Variants in DNAH17 observed in about 807,000 individuals in gnomAD.
DNAH17 encodes the protein axonemal beta dynein heavy chain 17.
In DNAH17, 376 loss-of-function variants were observed where a neutral mutation model predicts 485.6. That is an observed-to-expected ratio of 0.77 (90% CI 0.71 to 0.84). The LOEUF (loss-of-function observed/expected upper bound fraction) is 0.84, where lower values mean the gene tolerates loss of function less well. DNAH17 is among the 40% of genes least tolerant of loss of function. The pLI, the probability that DNAH17 is intolerant of heterozygous loss-of-function variation, is 0.00. For synonymous variants in DNAH17, 3,031 were observed against 2,405.9 expected (o/e 1.26, Z -7.60); for missense variants, 6,370 against 5,839.3 (o/e 1.09, Z -2.96).
At chr17:78,542,446 C>G (rs2091622081) in intron 17 of DNAH17, among the ~76,000 whole-genome samples, 1 of 152,194 alleles carries the variant, frequency 6.6e-6, no homozygotes, top group South Asian at 2.1e-4. Context: ...CTACGCCCAG[C>G]CGTTATTTGA....
chr17:78,537,397 C>A lies in DNAH17; in HGVS notation c.2761G>T (p.Asp921Tyr), dbSNP rs554869268. 8.7e-6 allele frequency: 14 copies of A among 1,613,184 alleles called. No homozygotes were observed. In the East Asian group the frequency reaches 2.9e-4, roughly 33 times the overall value. Residue 921 changes from aspartate to tyrosine, a missense_variant, in exon 19 of 81, where the codon GAT becomes TAT. Coordinates refer to ENST00000389840, the MANE Select transcript of DNAH17 (RefSeq NM_173628.4). ...TCGATCAGTGCCAGGAAGCCGCGAT[C>A]TGAGCCCACCTCCAGGGTCGGGTTG... is the stretch of plus-strand genomic sequence containing the variant. ...TFNPTLEVGS[D>Y]RGFLALIEGL...
At chr17:78,542,705 T>C (rs1266278420) in intron 17 of DNAH17, among the ~76,000 whole-genome samples, 1 of 152,204 alleles carries the variant, frequency 6.6e-6, no homozygotes, top group Non-Finnish European at 1.5e-5. Context: ...TAGAGTCATA[T>C]GCTGTTGGGA....
chr17:78,432,504 G>A (rs1389672802), intron 75 of DNAH17, among the ~76,000 whole-genome samples: 1 of 152,230 alleles, frequency 6.6e-6, no homozygotes, highest in Non-Finnish European at 1.5e-5. Flanking sequence ...CTCCAGGGCT[G>A]GTGTGCCTCC....
intron 26 of DNAH17, among the ~76,000 whole-genome samples, chr17:78,513,948 T>C (rs1265378658): frequency 1.3e-5 from 2 of 152,148 alleles, no homozygotes; most frequent in Non-Finnish European, 2.9e-5. Context: ...CTTAAAGTCA[T>C]TTTGTTCAGT....
chr17:78,542,379 G>T (rs9908939), intron 17 of DNAH17, among the ~76,000 whole-genome samples: 22 of 152,026 alleles, frequency 1.4e-4, no homozygotes, highest in African/African-American at 5.1e-4. Context: ...AACTCCTGAC[G>T]TCAAGTGATC....
chr17:78,511,793 C>A (rs2090642071), intron 26 of DNAH17, among the ~76,000 whole-genome samples: 1 of 152,242 alleles, frequency 6.6e-6, no homozygotes, highest in African/African-American at 2.4e-5. Context: ...CTGTGCCCAG[C>A]TCCTTTCATG....
At chr17:78,466,621 C>T in intron 56 of DNAH17, 34 bp downstream of exon 56, 1 of 1,580,992 alleles carries the variant, frequency 6.3e-7, no homozygotes, top group Non-Finnish European at 8.6e-7. Flanking sequence ...CCTCTGGGCT[C>T]TACACTCAGG....
intron 25 of DNAH17, among the ~76,000 whole-genome samples, chr17:78,524,773 G>T (rs2091020997): frequency 6.6e-6 from 1 of 151,612 alleles, no homozygotes. Context: ...AAAAAAGAAA[G>T]GGGGGCAGTC....
chr17:78,500,271 C>G (rs1404394881), intron 36 of DNAH17, 34 bp downstream of exon 36: 1 of 1,584,224 alleles, frequency 6.3e-7, no homozygotes, highest in African/African-American at 1.4e-5. Context: ...TAAAAGAAGA[C>G]TCTGGGTCCC....
intron 6 of DNAH17, among the ~76,000 whole-genome samples, chr17:78,570,690 T>C (rs2092339680): frequency 1.3e-5 from 2 of 150,698 alleles, no homozygotes; most frequent in Admixed American, 6.6e-5. Context: ...AAACCCCATC[T>C]CTACTAAAAA....
At chr17:78,533,350 C>T (rs760066953) in intron 19 of DNAH17, among the ~76,000 whole-genome samples, 1 of 152,114 alleles carries the variant, frequency 6.6e-6, no homozygotes, top group Non-Finnish European at 1.5e-5. Context: ...GGAATGGCCC[C>T]GAGGAAATGG....
chr17:78,507,243 C>T, intron 29 of DNAH17, 35 bp downstream of exon 29: 1 of 1,609,604 alleles, frequency 6.2e-7, no homozygotes, highest in Admixed American at 1.7e-5. Context: ...ATCTGCACCA[C>T]TGACTCCCCT....
intron 42 of DNAH17, among the ~76,000 whole-genome samples, 193 bp downstream of exon 42, chr17:78,492,440 C>T (rs1018576537): frequency 1.3e-5 from 2 of 152,190 alleles, no homozygotes; most frequent in South Asian, 2.1e-4. Flanking sequence ...TTCCTTATCC[C>T]CCAGCCCGGG....
chr17:78,449,010 C>G (rs2087431960), intron 69 of DNAH17, among the ~76,000 whole-genome samples: 1 of 152,182 alleles, frequency 6.6e-6, no homozygotes, highest in Admixed American at 6.5e-5. Flanking sequence ...AATATTTTAG[C>G]AGGGCTGTAT....
At chr17:78,569,583 T>A in intron 7 of DNAH17, 56 bp from the exon 8 acceptor site, 2 of 1,552,676 alleles carry the variant, frequency 1.3e-6, no homozygotes, top group Non-Finnish European at 1.7e-6. Context: ...TGGGGTGACG[T>A]CCAGGCACGC....
At chr17:78,576,781 G>T (rs2092438985) in intron 1 of DNAH17, among the ~76,000 whole-genome samples, 1 of 152,196 alleles carries the variant, frequency 6.6e-6, no homozygotes, top group South Asian at 2.1e-4. Flanking sequence ...GGCATGGGGT[G>T]GGCTGCCTCC....
chr17:78,489,254 A>C (rs1294584418), intron 44 of DNAH17: 2 of 152,318 alleles, frequency 1.3e-5, no homozygotes, highest in East Asian at 3.8e-4. Context: ...TGAACTCCGG[A>C]AACTTAATTT....
intron 11 of DNAH17, among the ~76,000 whole-genome samples, chr17:78,566,095 G>A (rs2092261811): frequency 6.6e-6 from 1 of 151,718 alleles, no homozygotes; most frequent in African/African-American, 2.4e-5. Flanking sequence ...AACGGAAGTA[G>A]ACCCTCACCA....
intron 1 of DNAH17, among the ~76,000 whole-genome samples, chr17:78,576,690 A>G (rs1320190527): frequency 3.3e-5 from 5 of 152,166 alleles, no homozygotes; most frequent in Non-Finnish European, 5.9e-5. Flanking sequence ...TGGTCAGGCG[A>G]CTGGACTGGA....
Sources: allele counts gnomAD v4.1 joint callset (sites outside exome capture counted in the v4.1 genomes callset), GRCh38; gene constraint gnomAD v4.1.1; transcripts MANE v1.5; gene names NCBI Gene and HGNC (gene_info 2026-07-23, HGNC 2026-07-21).